The following RNF111 variants were observed in gnomAD, a reference collection of about 807,000 sequenced individuals.
RNF111 encodes the protein E3 ubiquitin-protein ligase Arkadia.
RNF111 carries 17 observed loss-of-function variants against 95.1 expected under a neutral mutation model. That is an observed-to-expected ratio of 0.18 (90% CI 0.12 to 0.27). The LOEUF is 0.27. Ranked by LOEUF, RNF111 falls within the 10% of genes least tolerant of loss-of-function variation. RNF111 has a pLI of 1.00. For synonymous variants in RNF111, 440 were observed against 414.8 expected (o/e 1.06, Z -0.74); for missense variants, 1,189 against 1,210.4 (o/e 0.98, Z 0.26).
chr15:59,073,996 A>ATTTTCTT (rs1368099414), intron 6 of RNF111, among the ~76,000 whole-genome samples: 1 of 152,148 alleles, frequency 6.6e-6, no homozygotes, highest in East Asian at 1.9e-4. Flanking sequence ...AGAAACAGCA[A>ATTTTCTT]TTTTCTTTTT....
At chr15:59,035,523 A>G (rs1177991827) in intron 2 of RNF111, among the ~76,000 whole-genome samples, 3 of 152,210 alleles carry the variant, frequency 2.0e-5, no homozygotes, top group African/African-American at 7.2e-5. Context: ...TAACTTATGC[A>G]AATTTCTGAG....
intron 6 of RNF111, among the ~76,000 whole-genome samples, chr15:59,068,355 C>G (rs2042758407): frequency 6.6e-6 from 1 of 152,244 alleles, no homozygotes; most frequent in Non-Finnish European, 1.5e-5. Context: ...GCCTGTAATT[C>G]CAGCACTTTG....
chr15:58,988,329 C>G (rs1200570221), intron 1 of RNF111: 1 of 152,304 alleles, frequency 6.6e-6, no homozygotes, highest in Non-Finnish European at 1.5e-5. Flanking sequence ...TCTCCCACTT[C>G]CGACTCTCCC....
At chr15:59,084,710 C>T (rs2078847849) in intron 9 of RNF111, among the ~76,000 whole-genome samples, 1 of 152,084 alleles carries the variant, frequency 6.6e-6, no homozygotes, top group Non-Finnish European at 1.5e-5. Flanking sequence ...AATATCAGAA[C>T]TTACTCCTCC....
intron 4 of RNF111, among the ~76,000 whole-genome samples, chr15:59,058,005 G>C (rs2042267659): frequency 6.6e-6 from 1 of 152,202 alleles, no homozygotes; most frequent in Non-Finnish European, 1.5e-5. Context: ...GGCAGCTCGT[G>C]ACCATGTGTA....
chr15:59,009,955 AAAAC>A (rs752919626), intron 1 of RNF111, among the ~76,000 whole-genome samples: 37 of 152,182 alleles, frequency 2.4e-4, no homozygotes, highest in Non-Finnish European at 3.7e-4. Flanking sequence ...CCTTATCTCA[AAAAC>A]AAACAAACAA....
intron 6 of RNF111, among the ~76,000 whole-genome samples, chr15:59,073,223 C>A (rs1169913911): frequency 6.6e-6 from 1 of 152,116 alleles, no homozygotes; most frequent in African/African-American, 2.4e-5. Flanking sequence ...GTAATCCCAG[C>A]ACTTTGTTTG....
intron 5 of RNF111, among the ~76,000 whole-genome samples, chr15:59,062,195 A>G (rs561143386): frequency 6.6e-6 from 1 of 151,876 alleles, no homozygotes; most frequent in African/African-American, 2.4e-5. Flanking sequence ...GGCACACTCT[A>G]CCACACCTGG....
chr15:58,996,227 A>C (rs186609026), intron 1 of RNF111, among the ~76,000 whole-genome samples: 65 of 152,314 alleles, frequency 4.3e-4, no homozygotes, highest in African/African-American at 1.4e-3. Flanking sequence ...CTAAGTCATC[A>C]AACATTCTAA....
At chr15:59,033,383 G>C (rs774150663) in intron 2 of RNF111, among the ~76,000 whole-genome samples, 5 of 152,134 alleles carry the variant, frequency 3.3e-5, no homozygotes, top group Non-Finnish European at 7.4e-5. Flanking sequence ...GTTCAGATCA[G>C]TTTTACCTAC....
chr15:58,994,112 A>G (rs1596016306), intron 1 of RNF111, among the ~76,000 whole-genome samples: 2 of 135,436 alleles, frequency 1.5e-5, no homozygotes, highest in Non-Finnish European at 1.5e-5. Context: ...ATCTTGGCTC[A>G]TTGTCACCTC....
intron 1 of RNF111, among the ~76,000 whole-genome samples, chr15:59,003,196 A>C (rs1330513262): frequency 1.3e-5 from 2 of 152,050 alleles, no homozygotes; most frequent in African/African-American, 4.8e-5. Flanking sequence ...GCTCACTGCA[A>C]CCTCTGCCTC....
chr15:59,000,473 A>G (rs1353874652), intron 1 of RNF111, among the ~76,000 whole-genome samples: 5 of 152,068 alleles, frequency 3.3e-5, no homozygotes, highest in Non-Finnish European at 7.4e-5. Context: ...GCACTTTGGG[A>G]GGCCGAGGCA....
chr15:59,057,268 G>C (rs1337667540), intron 4 of RNF111, among the ~76,000 whole-genome samples: 1 of 152,156 alleles, frequency 6.6e-6, no homozygotes, highest in African/African-American at 2.4e-5. Flanking sequence ...GTATTGCCAA[G>C]GTTGAGAAAC....
rs2038797966 is a variant in RNF111, at chr15:58,991,141, A to G, written c.-20+3073A>G. On this transcript the variant is annotated intron_variant, in intron 1 of 13. Transcript: ENST00000348370. ...ACCCCGTCTGTACTAAAAAAAAAAT[A>G]CAAAAATTAGCTGGGCATGGTGGTG... Among the ~76,000 whole-genome samples the G allele has an allele frequency of 2.0e-5, 3 of 152,040 alleles. No homozygotes were observed. The South Asian group carries it at 6.2e-4, about 32-fold the overall frequency.
At chr15:58,990,412 C>A (rs539115108) in intron 1 of RNF111, among the ~76,000 whole-genome samples, 10 of 152,290 alleles carry the variant, frequency 6.6e-5, no homozygotes, top group African/African-American at 2.2e-4. Context: ...GTAATCCCAG[C>A]ACTTTGGGAG....
chr15:59,096,955 G>A lies in RNF111; in HGVS notation c.*2055G>A, dbSNP rs1273765777. The stretch of plus-strand genomic sequence containing the variant: ...AATACTACATCAGATTTAGATGCAC[G>A]ACTACCTGTTGACTTGTTTTATAAT... On this transcript the variant is annotated 3_prime_UTR_variant, in exon 14 of 14. Transcript: ENST00000348370. The A allele has an allele frequency of 6.6e-6, 1 of 152,170 alleles. No individual in the cohort carries two copies. 9.4% of individuals were successfully genotyped at this position (152,170 alleles called of 1,614,324 possible).
At chr15:58,997,318 G>A (rs973411390) in intron 1 of RNF111, among the ~76,000 whole-genome samples, 3 of 152,042 alleles carry the variant, frequency 2.0e-5, no homozygotes, top group African/African-American at 4.8e-5. Flanking sequence ...GTGTTCAGGA[G>A]GTCTACCAGG....
At chr15:59,076,744 C>T (rs191665482) in intron 7 of RNF111, among the ~76,000 whole-genome samples, 51 of 152,234 alleles carry the variant, frequency 3.4e-4, no homozygotes, top group East Asian at 3.1e-3. Flanking sequence ...AATTGAAATT[C>T]GTTAGATATC....
Sources: allele counts gnomAD v4.1 joint callset (sites outside exome capture counted in the v4.1 genomes callset), GRCh38; gene constraint gnomAD v4.1.1; transcripts MANE v1.5; gene names NCBI Gene and HGNC (gene_info 2026-07-23, HGNC 2026-07-21).